Variants in SYPL2 observed in about 807,000 individuals in gnomAD.
The protein encoded by SYPL2 is synaptophysin like 2, also known as synaptophysin-like protein 2.
A neutral mutation model predicts 31.3 loss-of-function variants in SYPL2; 24 were observed. That is an observed-to-expected ratio of 0.77 (90% confidence interval 0.56 to 1.08). The LOEUF (loss-of-function observed/expected upper bound fraction) is 1.08. SYPL2 is among the 50% of genes least tolerant of loss of function. The pLI, the probability that SYPL2 is intolerant of heterozygous loss-of-function variation, is 0.00. For synonymous variants in SYPL2, 144 were observed against 143.1 expected (o/e 1.01, Z -0.05); for missense variants, 342 against 360.1 (o/e 0.95, Z 0.41).
chr1:109,481,117 T>C lies in SYPL2; in HGVS notation c.*1569T>C, dbSNP rs1184109529. ...TCACCTCTCTAAACACCATCCATAGTAACATGTGCATTACTGGGGTACCTA... is the reference window on the plus strand; with the variant it reads ...TCACCTCTCTAAACACCATCCATAGCAACATGTGCATTACTGGGGTACCTA... On this transcript the variant is annotated 3_prime_UTR_variant, in exon 6 of 6. Coordinates refer to ENST00000369872, the MANE Select transcript of SYPL2 (RefSeq NM_001040709.2). The C allele has an allele frequency of 3.9e-5, 6 of 152,630 alleles. No homozygotes were observed. Among genetic ancestry groups the C allele is most frequent in the African/African-American group, 1.4e-4 (6 of 41,434 alleles). 9.5% of individuals were successfully genotyped at this position (152,630 alleles called of 1,614,324 possible).
rs1656107717 is a variant in SYPL2, at chr1:109,479,604, G to A, written c.*56G>A. 6.3e-7 allele frequency: 1 copy of A among 1,577,586 alleles called. No homozygotes were observed. The highest frequency in any genetic ancestry group is 8.6e-7 in the Non-Finnish European group (1 of 1,158,042). Reference sequence around the variant, plus strand: ...GACAGCACCTCTTCAACCACCTCCGGCTTCCAGGACCTTTCTCTTCCTCCT... The same window carrying A: ...GACAGCACCTCTTCAACCACCTCCGACTTCCAGGACCTTTCTCTTCCTCCT... On this transcript the variant is annotated 3_prime_UTR_variant, in exon 6 of 6. Coordinates refer to ENST00000369872, the MANE Select transcript of SYPL2 (RefSeq NM_001040709.2).
chr1:109,477,066 G>T (rs1219197904), intron 4 of SYPL2, 89 bp downstream of exon 4: 2 of 1,503,944 alleles, frequency 1.3e-6, no homozygotes, highest in East Asian at 4.6e-5. Context: ...GGACAAGCAT[G>T]GCGGCTTCCA....
chr1:109,473,903 A>AT (rs1655912287), intron 2 of SYPL2, among the ~76,000 whole-genome samples: 1 of 151,472 alleles, frequency 6.6e-6, no homozygotes. Context: ...TAAAAAAAAA[A>AT]AAAAAGATGA....
intron 2 of SYPL2, among the ~76,000 whole-genome samples, chr1:109,473,878 G>A (rs1004153025): frequency 7.6e-4 from 106 of 139,332 alleles, no homozygotes; most frequent in Non-Finnish European, 1.4e-4. Flanking sequence ...CTGGGCGACA[G>A]AGCAAGACTC....
chr1:109,477,363 G>C (rs1238273680), intron 4 of SYPL2, among the ~76,000 whole-genome samples: 1 of 152,164 alleles, frequency 6.6e-6, no homozygotes, highest in Non-Finnish European at 1.5e-5. Context: ...GTCTCAATAA[G>C]CATTAGCGAT....
rs1217745217 is a variant in SYPL2 at position 109,481,838 on chromosome 1, G to A, written c.*2290G>A. ...TAGGACTCATGTTCTCTCCAACCAGGGCTGGCATCACTGCTTTGCAAAGTG... is the reference window on the plus strand; with the variant it reads ...TAGGACTCATGTTCTCTCCAACCAGAGCTGGCATCACTGCTTTGCAAAGTG... On this transcript the variant is annotated 3_prime_UTR_variant, in exon 6 of 6. Coordinates refer to ENST00000369872, the MANE Select transcript of SYPL2 (RefSeq NM_001040709.2). 1 of 152,382 alleles carries A rather than the reference G, an allele frequency of 6.6e-6. No individual in the cohort carries two copies. The highest frequency in any genetic ancestry group is 1.5e-5 in the Non-Finnish European group (1 of 68,124). The allele number at this position is 152,382 out of a possible 1,614,324, so 9.4% of individuals were successfully genotyped here.
intron 2 of SYPL2, among the ~76,000 whole-genome samples, chr1:109,469,515 C>T (rs1263094394): frequency 6.7e-6 from 1 of 149,940 alleles, no homozygotes; most frequent in Non-Finnish European, 1.5e-5. Context: ...AAGAAAAGGA[C>T]ATCAAATCAT....
Position 109,477,896 on chromosome 1 carries a change from A to G in SYPL2, c.535A>G (p.Lys179Glu). The G allele has an allele frequency of 6.2e-7, 1 of 1,614,154 alleles. No homozygotes were observed. The highest frequency in any genetic ancestry group is 8.5e-7 in the Non-Finnish European group (1 of 1,180,010). The change falls in exon 5 of 6, where the codon AAG becomes GAG. Residue 179 changes from lysine to glutamate, a missense_variant. Lys to Glu is a moderately conservative substitution (Grantham distance 56). Transcript: ENST00000369872. ...AAWGKGLTDV[K>E]GATRPSSLTA... is the part of the protein sequence containing the mutation. ...CTGGGGCAAGGGCCTGACCGATGTCAAGGGGGCCACACGACCATCCAGCTT... is the reference window on the plus strand; with the variant it reads ...CTGGGGCAAGGGCCTGACCGATGTCGAGGGGGCCACACGACCATCCAGCTT...
At position 109,479,614 on chromosome 1, in the gene SYPL2, C is replaced by A. The variant is rs1359821342; in HGVS notation, c.*66C>A. The A allele has an allele frequency of 6.4e-7, 1 of 1,555,482 alleles. No individual in the cohort carries two copies. The highest frequency in any genetic ancestry group is 8.7e-7 in the Non-Finnish European group (1 of 1,147,824). The stretch of plus-strand genomic sequence containing the variant: ...CTTCAACCACCTCCGGCTTCCAGGA[C>A]CTTTCTCTTCCTCCTCCTCCAATTC... On this transcript the variant is annotated 3_prime_UTR_variant, in exon 6 of 6. Coordinates refer to ENST00000369872, the MANE Select transcript of SYPL2 (RefSeq NM_001040709.2).
chr1:109,475,376 T>G, intron 2 of SYPL2: 1 of 609,426 alleles, frequency 1.6e-6, no homozygotes, highest in Non-Finnish European at 2.7e-6. Context: ...AACCTTGTAT[T>G]CATTTGGCTA....
At chr1:109,475,966 C>T (rs866234193) in intron 3 of SYPL2, among the ~76,000 whole-genome samples, 1 of 152,202 alleles carries the variant, frequency 6.6e-6, no homozygotes, top group Non-Finnish European at 1.5e-5. Flanking sequence ...GTCACACCAG[C>T]TCATACAGAA....
chr1:109,475,463 A>T, intron 2 of SYPL2, 118 bp from the exon 3 acceptor site: 1 of 1,372,904 alleles, frequency 7.3e-7, no homozygotes, highest in Non-Finnish European at 9.8e-7. Context: ...ATTAAAGGGG[A>T]TCCTCACTCT....
chr1:109,469,327 GA>G (rs1164624581), intron 2 of SYPL2, among the ~76,000 whole-genome samples: 3 of 151,240 alleles, frequency 2.0e-5, no homozygotes, highest in African/African-American at 7.3e-5. Context: ...TTTGTGAAAA[GA>G]AAGTAATGTT....
At chr1:109,476,735 G>A in intron 3 of SYPL2, 41 bp from the exon 4 acceptor site, 4 of 1,596,554 alleles carry the variant, frequency 2.5e-6, no homozygotes, top group Non-Finnish European at 3.4e-6. Flanking sequence ...GGGAGAGAGA[G>A]GATTGCCTGA....
rs1388300516 is a variant in SYPL2, at chr1:109,481,472, G to A, written c.*1924G>A. On this transcript the variant is annotated 3_prime_UTR_variant, in exon 6 of 6. Transcript: ENST00000369872. Reference sequence around the variant, plus strand: ...TGGGGGTCTGTGAGCAGCTTCTACTGGATCTTTGTTTGGATTCTGTGTCTG... The same window carrying A: ...TGGGGGTCTGTGAGCAGCTTCTACTAGATCTTTGTTTGGATTCTGTGTCTG... 6.6e-6 allele frequency: 1 copy of A among 152,506 alleles called. No homozygotes were observed. Among genetic ancestry groups the A allele is most frequent in the Non-Finnish European group, 1.5e-5 (1 of 68,052 alleles). The allele number at this position is 152,506 out of a possible 1,614,324, so 9.4% of individuals were successfully genotyped here.
At chr1:109,469,512 G>C (rs1250068212) in intron 2 of SYPL2, among the ~76,000 whole-genome samples, 1 of 150,626 alleles carries the variant, frequency 6.6e-6, no homozygotes, top group Non-Finnish European at 1.5e-5. Context: ...AAAAAGAAAA[G>C]GACATCAAAT....
Position 109,473,990 on chromosome 1 carries a change from A to G in SYPL2, c.130-1591A>G, listed in dbSNP as rs1362564065. Among the ~76,000 whole-genome samples, 9 of 152,232 alleles carry G rather than the reference A, an allele frequency of 5.9e-5. No homozygotes were observed. In the East Asian group the frequency reaches 1.7e-3, roughly 29 times the overall value. ...AGTGACAGGACCAGGTCTGGAACCT[A>G]GGTTTCCATACTCCTAGTTCAGGTC... On this transcript the variant is annotated intron_variant, in intron 2 of 5. Transcript: ENST00000369872.
In SYPL2 at chr1:109,478,095, G is replaced by A. The variant is rs1557861836; in HGVS notation, c.648+86G>A. 2.6e-6 allele frequency: 4 copies of A among 1,539,084 alleles called. No homozygotes were observed. The highest frequency in any genetic ancestry group is 3.5e-6 in the Non-Finnish European group (4 of 1,143,772). On this transcript the variant is annotated intron_variant, in intron 5 of 5. Coordinates refer to ENST00000369872, the MANE Select transcript of SYPL2 (RefSeq NM_001040709.2). The surrounding 1 kb of genome is among the most constrained non-coding windows in gnomAD (Gnocchi z 4.0). Reference sequence around the variant, plus strand: ...TAGCAGGTCCTGAAAGGAAAGAGAGGGTGTCCCAGAGCTGGTGTCCCCTGC... The same window carrying A: ...TAGCAGGTCCTGAAAGGAAAGAGAGAGTGTCCCAGAGCTGGTGTCCCCTGC...
At chr1:109,477,668 C>G in intron 4 of SYPL2, 150 bp from the exon 5 acceptor site, 1 of 1,181,108 alleles carries the variant, frequency 8.5e-7, no homozygotes. Context: ...ACAGATGCCT[C>G]AGGACCACCT....
Sources: gnomAD v4.1 joint callset for allele counts (sites outside exome capture counted in the v4.1 genomes callset) on GRCh38, gnomAD v4.1.1 for gene constraint, Gnocchi (gnomAD v3.1) non-coding constraint, MANE v1.5 for transcripts, NCBI Gene and HGNC (gene_info 2026-07-23, HGNC 2026-07-21) for gene names.